CDH18: variants seen among roughly 807,000 people sequenced by gnomAD.
CDH18 encodes the protein cadherin-18.
In CDH18, 31 loss-of-function variants were observed where a neutral mutation model predicts 67.9. The ratio of observed to expected loss-of-function variants is 0.46; its 90% confidence interval spans 0.34 to 0.62. CDH18 has a LOEUF of 0.62. CDH18 is among the 20% of genes least tolerant of loss of function. The pLI, the probability that CDH18 is intolerant of heterozygous loss-of-function variation, is 0.01. For synonymous variants in CDH18, 362 were observed against 347.2 expected (o/e 1.04, Z -0.48); for missense variants, 890 against 975.5 (o/e 0.91, Z 1.17).
chr5:20,379,956 G>A (rs1743781786), intron 1 of CDH18, among the ~76,000 whole-genome samples: 1 of 151,954 alleles, frequency 6.6e-6, no homozygotes, highest in Non-Finnish European at 1.5e-5. Context: ...TGGTGGTACA[G>A]TTGCAAAACG....
At chr5:20,277,182 C>T (rs929709149) in intron 1 of CDH18, among the ~76,000 whole-genome samples, 1 of 152,142 alleles carries the variant, frequency 6.6e-6, no homozygotes, top group Non-Finnish European at 1.5e-5. Flanking sequence ...GAGGTGGTTA[C>T]TGCAGGCCTT....
chr5:19,513,240 TGG>T (rs1388077675), intron 10 of CDH18, among the ~76,000 whole-genome samples: 1 of 152,074 alleles, frequency 6.6e-6, no homozygotes, highest in Non-Finnish European at 1.5e-5. Context: ...CCCAAGTAGC[TGG>T]GATTATAGGC....
At chr5:19,529,046 G>A (rs574045331) in intron 9 of CDH18, among the ~76,000 whole-genome samples, 2 of 151,800 alleles carry the variant, frequency 1.3e-5, no homozygotes, top group South Asian at 2.1e-4. Flanking sequence ...ACAAAGGATC[G>A]TAAAATGGAA....
At chr5:19,824,734 C>T (rs560978464) in intron 3 of CDH18, among the ~76,000 whole-genome samples, 7 of 152,248 alleles carry the variant, frequency 4.6e-5, no homozygotes, top group African/African-American at 1.4e-4. Context: ...GTGAACTCAG[C>T]CAAAGGACAC....
At chr5:19,795,009 C>A (rs577097081) in intron 3 of CDH18, among the ~76,000 whole-genome samples, 56 of 152,022 alleles carry the variant, frequency 3.7e-4, no homozygotes, top group South Asian at 1.3e-3. Context: ...AAAAGGCTAC[C>A]CAGGCCTAGT....
intron 5 of CDH18, among the ~76,000 whole-genome samples, chr5:19,666,420 T>G (rs779460481): frequency 3.4e-4 from 51 of 151,742 alleles, no homozygotes; most frequent in Non-Finnish European, 6.6e-4. Flanking sequence ...TAATGTAAAT[T>G]TTGATAATCC....
At chr5:20,375,125 T>A (rs907347459) in intron 1 of CDH18, among the ~76,000 whole-genome samples, 50 of 152,206 alleles carry the variant, frequency 3.3e-4, no homozygotes, top group Non-Finnish European at 2.4e-4. Context: ...TAAGGAGATG[T>A]CATTTATATC....
chr5:19,653,665 C>T (rs1049345393), intron 5 of CDH18, among the ~76,000 whole-genome samples: 3 of 152,158 alleles, frequency 2.0e-5, no homozygotes, highest in African/African-American at 4.8e-5. Context: ...TCCCCCCAGG[C>T]CATCTCATTT....
chr5:19,857,380 G>A (rs1032913501), intron 2 of CDH18, among the ~76,000 whole-genome samples: 3 of 152,114 alleles, frequency 2.0e-5, no homozygotes, highest in Admixed American at 6.5e-5. Flanking sequence ...CCATAGGCTA[G>A]TAAATTGACT....
chr5:20,522,007 A>G (rs978359023), intron 1 of CDH18, among the ~76,000 whole-genome samples: 1 of 152,188 alleles, frequency 6.6e-6, no homozygotes, highest in Non-Finnish European at 1.5e-5. Flanking sequence ...AAAGTCTTTA[A>G]AGAGGTGATA....
At chr5:20,391,529 T>G (rs1436487089) in intron 1 of CDH18, among the ~76,000 whole-genome samples, 1 of 152,100 alleles carries the variant, frequency 6.6e-6, no homozygotes, top group Admixed American at 6.6e-5. Flanking sequence ...TCAGATTTCA[T>G]GCTTAATATC....
At chr5:20,525,850 T>A (rs952627420) in intron 1 of CDH18, among the ~76,000 whole-genome samples, 1 of 151,978 alleles carries the variant, frequency 6.6e-6, no homozygotes, top group East Asian at 1.9e-4. Context: ...AGGACCTTAA[T>A]TGATTCACTC....
intron 2 of CDH18, among the ~76,000 whole-genome samples, chr5:20,145,084 G>C (rs2126540624): frequency 6.6e-6 from 1 of 152,042 alleles, no homozygotes. Flanking sequence ...TGTGCTCTTT[G>C]CTATGGCAAT....
chr5:20,376,219 G>T (rs987645434), intron 1 of CDH18, among the ~76,000 whole-genome samples: 1 of 148,714 alleles, frequency 6.7e-6, no homozygotes, highest in Admixed American at 6.8e-5. Context: ...TCAGCCTCCC[G>T]AGTAGCTGGG....
At chr5:19,516,833 T>A (rs980123023) in intron 10 of CDH18, among the ~76,000 whole-genome samples, 1 of 152,164 alleles carries the variant, frequency 6.6e-6, no homozygotes, top group Non-Finnish European at 1.5e-5. Context: ...TGAAGGTTTT[T>A]TGTGTCTCTA....
chr5:20,002,205 C>A (rs1206381287), intron 2 of CDH18, among the ~76,000 whole-genome samples: 2 of 152,154 alleles, frequency 1.3e-5, no homozygotes, highest in East Asian at 1.9e-4. Flanking sequence ...ATTGATAGAA[C>A]TTTTCTATTG....
intron 1 of CDH18, among the ~76,000 whole-genome samples, chr5:20,412,526 C>T (rs1396951265): frequency 2.0e-5 from 3 of 152,312 alleles, no homozygotes; most frequent in African/African-American, 7.2e-5. Flanking sequence ...AAGCAAAGAG[C>T]TTCTGCATAA....
At chr5:19,676,630 C>G (rs1446983) in intron 5 of CDH18, among the ~76,000 whole-genome samples, 5,012 of 151,992 alleles carry the variant, frequency 0.033, 270 homozygotes, top group African/African-American at 0.11. Context: ...TGAGCCCAGG[C>G]GTGCACATTA....
chr5:20,355,419 C>T (rs555690672), intron 1 of CDH18, among the ~76,000 whole-genome samples: 3 of 152,172 alleles, frequency 2.0e-5, no homozygotes, highest in Admixed American at 6.5e-5. Context: ...TTAAACATAG[C>T]CTATAGCTAA....
Sources: gnomAD v4.1 joint callset for allele counts (sites outside exome capture counted in the v4.1 genomes callset) on GRCh38, gnomAD v4.1.1 for gene constraint, MANE v1.5 for transcripts, NCBI Gene and HGNC (gene_info 2026-07-23, HGNC 2026-07-21) for gene names.